BCL11A: variants seen among roughly 807,000 people sequenced by gnomAD.
BCL11A encodes the protein B cell CLL/lymphoma 11A.
In BCL11A, 2 loss-of-function variants were observed where a neutral mutation model predicts 55.9. The ratio of observed to expected loss-of-function variants is 0.04; its 90% CI spans 0.01 to 0.11. The LOEUF (loss-of-function observed/expected upper bound fraction) is 0.11, where lower values mean the gene tolerates loss of function less well. Ranked by LOEUF, BCL11A falls within the 10% of genes least tolerant of loss-of-function variation. The pLI, the probability that BCL11A is intolerant of heterozygous loss-of-function variation, is 1.00. For synonymous variants in BCL11A, 465 were observed against 473.4 expected (o/e 0.98, Z 0.23); for missense variants, 817 against 1,137.1 (o/e 0.72, Z 4.05).
intron 2 of BCL11A, chr2:60,526,545 A>G (rs1669210964): frequency 6.6e-6 from 1 of 152,222 alleles, no homozygotes; most frequent in Non-Finnish European, 1.5e-5. Flanking sequence ...ATTAGAACTT[A>G]ATAATTTGCA....
At chr2:60,508,234 T>C (rs1679756976) in intron 2 of BCL11A, among the ~76,000 whole-genome samples, 1 of 151,842 alleles carries the variant, frequency 6.6e-6, no homozygotes, top group Non-Finnish European at 1.5e-5. Flanking sequence ...AACAACAAAT[T>C]ACACAAATAA....
At chr2:60,467,897 G>A (rs1464299502) in intron 3 of BCL11A, among the ~76,000 whole-genome samples, 1 of 114,864 alleles carries the variant, frequency 8.7e-6, no homozygotes, top group Non-Finnish European at 1.9e-5. Context: ...GGTAGTGATG[G>A]TGGTGGTAAT....
At chr2:60,514,438 C>T (rs1178434185) in intron 2 of BCL11A, among the ~76,000 whole-genome samples, 1 of 150,654 alleles carries the variant, frequency 6.6e-6, no homozygotes, top group Non-Finnish European at 1.5e-5. Context: ...GTGTGGGTCA[C>T]CTGAGGTCAG....
At chr2:60,473,238 C>G (rs1234174509) in intron 2 of BCL11A, among the ~76,000 whole-genome samples, 3 of 133,728 alleles carry the variant, frequency 2.2e-5, no homozygotes, top group Non-Finnish European at 3.1e-5. Flanking sequence ...GATAATTTCC[C>G]TGTTTTTTTT....
chr2:60,524,733 T>C (rs1669135658), intron 2 of BCL11A: 1 of 152,198 alleles, frequency 6.6e-6, no homozygotes, highest in South Asian at 2.1e-4. Flanking sequence ...GCACATGGGA[T>C]AATAAAAGAA....
At chr2:60,530,272 G>A (rs1405523972) in intron 2 of BCL11A, among the ~76,000 whole-genome samples, 6 of 146,138 alleles carry the variant, frequency 4.1e-5, no homozygotes, top group Middle Eastern at 3.5e-3. Flanking sequence ...GCATATTATC[G>A]TTCTCAGCCA....
At chr2:60,536,241 C>T (rs1669665684) in intron 2 of BCL11A, 1 of 152,208 alleles carries the variant, frequency 6.6e-6, no homozygotes, top group Non-Finnish European at 1.5e-5. Context: ...CTCCCCCTCT[C>T]TCCCCCAGCC....
chr2:60,456,269 C>A (rs1450777324), downstream of BCL11A, among the ~76,000 whole-genome samples: 1 of 152,164 alleles, frequency 6.6e-6, no homozygotes, highest in African/African-American at 2.4e-5. Flanking sequence ...TTCATCTACA[C>A]TGGGAACAGG....
At chr2:60,522,841 A>G (rs1248806377) in intron 2 of BCL11A, 2 of 152,232 alleles carry the variant, frequency 1.3e-5, no homozygotes, top group Non-Finnish European at 2.9e-5. Context: ...AGCTGACTAG[A>G]TATGTCAGTT....
downstream of BCL11A, among the ~76,000 whole-genome samples, chr2:60,456,075 T>C (rs946741887): frequency 1.3e-5 from 2 of 152,178 alleles, no homozygotes; most frequent in East Asian, 1.9e-4. Flanking sequence ...TCAGAAAACA[T>C]TGACTTTCTT....
downstream of BCL11A, among the ~76,000 whole-genome samples, chr2:60,454,864 C>T (rs911515075): frequency 4.6e-5 from 7 of 152,212 alleles, no homozygotes; most frequent in African/African-American, 1.7e-4. Context: ...ACAATATGTA[C>T]TTATTGCATA....
intron 2 of BCL11A, chr2:60,538,141 C>T (rs1573081012): frequency 1.3e-5 from 2 of 152,194 alleles, no homozygotes; most frequent in East Asian, 1.9e-4. Context: ...GGCGCCTTCT[C>T]GCCTCTTTTA....
intron 2 of BCL11A, chr2:60,522,031 C>T: frequency 6.6e-6 from 1 of 152,400 alleles, no homozygotes; most frequent in Non-Finnish European, 1.5e-5. Context: ...CCCCTTGCTA[C>T]CTCTGAGCCA....
At chr2:60,472,282 C>A (rs139611815) in intron 2 of BCL11A, among the ~76,000 whole-genome samples, 165 of 152,318 alleles carry the variant, frequency 1.1e-3, no homozygotes, top group African/African-American at 3.5e-3. Context: ...GACATGTCAG[C>A]GAACGCAGCT....
downstream of BCL11A, among the ~76,000 whole-genome samples, chr2:60,454,608 C>T (rs549143206): frequency 1.3e-5 from 2 of 152,198 alleles, no homozygotes; most frequent in East Asian, 3.9e-4. Context: ...GGAAAAGAGG[C>T]TTAAAACAAG....
chr2:60,499,036 G>T (rs1357926643), intron 2 of BCL11A, among the ~76,000 whole-genome samples: 1 of 152,160 alleles, frequency 6.6e-6, no homozygotes, highest in East Asian at 1.9e-4. Context: ...CCCCACACAG[G>T]CATCCAAAGG....
At chr2:60,511,076 C>G (rs942112860) in intron 2 of BCL11A, among the ~76,000 whole-genome samples, 1 of 152,214 alleles carries the variant, frequency 6.6e-6, no homozygotes, top group Non-Finnish European at 1.5e-5. Context: ...TCCAGGCACA[C>G]TGAGATGCCC....
At chr2:60,524,396 C>T (rs1669120262) in intron 2 of BCL11A, 1 of 152,080 alleles carries the variant, frequency 6.6e-6, no homozygotes. Context: ...CTCTGGGGGG[C>T]TGCCATTCAT....
intron 1 of BCL11A, among the ~76,000 whole-genome samples, chr2:60,550,244 G>A (rs1443911645): frequency 6.6e-6 from 1 of 152,184 alleles, no homozygotes. Context: ...TCCGAGCCCG[G>A]CGCGCGCTGG....
Sources: gnomAD v4.1 joint callset for allele counts (sites outside exome capture counted in the v4.1 genomes callset) on GRCh38, gnomAD v4.1.1 for gene constraint, MANE v1.5 for transcripts, NCBI Gene and HGNC (gene_info 2026-07-23, HGNC 2026-07-21) for gene names.